The following ZNF560 variants were observed in gnomAD, a reference collection of about 807,000 sequenced individuals.
ZNF560 encodes zinc finger protein 560.
In ZNF560, 54 loss-of-function variants were observed where a neutral mutation model predicts 81.8. The observed-to-expected ratio is 0.66, with a 90% CI of 0.53 to 0.83. The LOEUF (loss-of-function observed/expected upper bound fraction) is 0.83. Among genes scored for constraint, ZNF560 ranks in the 40% least tolerant of loss-of-function variants. The probability of loss-of-function intolerance (pLI) is 0.00; values close to 1 mark genes in which losing one functional copy is unlikely to be tolerated. For missense variants in ZNF560, 940 were observed against 932.4 expected (o/e 1.01, Z -0.11); for synonymous variants, 321 against 317.9 (o/e 1.01, Z -0.10).
upstream of ZNF560, among the ~76,000 whole-genome samples, chr19:9,501,476 A>G (rs111666414): frequency 0.044 from 6,662 of 150,178 alleles, 594 homozygotes; most frequent in African/African-American, 0.16. Flanking sequence ...CTCCTGCCTC[A>G]GCCTCTCAAG....
At chr19:9,450,744 G>T in the ZNF560 span, among the ~76,000 whole-genome samples, 1 of 151,988 alleles carries the variant, frequency 6.6e-6, no homozygotes, top group African/African-American at 2.4e-5. Flanking sequence ...TGCCCAGGCT[G>T]GTCTTGAACC....
the ZNF560 span, among the ~76,000 whole-genome samples, chr19:9,447,970 C>T: frequency 6.6e-6 from 1 of 152,092 alleles, no homozygotes; most frequent in African/African-American, 2.4e-5. Flanking sequence ...GGAAATGGCA[C>T]ATCAGGTACA....
chr19:9,468,873 G>A (rs1170238051), intron 9 of ZNF560, among the ~76,000 whole-genome samples: 3 of 151,992 alleles, frequency 2.0e-5, no homozygotes, highest in Non-Finnish European at 4.4e-5. Flanking sequence ...GGGACTACAG[G>A]TACACACCAC....
In ZNF560 at chr19:9,467,855, A is replaced by G. The variant is rs2073054580; in HGVS notation, c.1092T>C (p.Asn364=). 1 of 1,614,088 alleles carries G rather than the reference A, an allele frequency of 6.2e-7. No homozygotes were observed. Among genetic ancestry groups the G allele is most frequent in the African/African-American group, 1.3e-5 (1 of 74,940 alleles). Residue 364 remains asparagine (N), a synonymous_variant, in exon 10 of 10, where the codon AAT becomes AAC. Coordinates refer to ENST00000301480, the MANE Select transcript of ZNF560 (RefSeq NM_152476.3). ...TCCCAATGTGGGTTTGCATGTGATT[A>G]TTAAGGTGGGTAGGGTATCTAAAAT... ...GKDFRYPTHL[N]NHMQTHIGIK... is the part of the protein sequence containing the mutation.
chr19:9,453,381 A>T, the ZNF560 span, among the ~76,000 whole-genome samples: 6 of 152,106 alleles, frequency 3.9e-5, no homozygotes, highest in Non-Finnish European at 2.9e-5. Context: ...TATACTAATC[A>T]AATCCATTTA....
In ZNF560 at chr19:9,468,197, G is replaced by A. The variant is rs377090889; in HGVS notation, c.750C>T (p.Asp250=). ...AGGTTTTATTGTATAGAGAAAGGAGGTCTTTTGCATACTGAATACATTCAG... is the reference window on the plus strand; with the variant it reads ...AGGTTTTATTGTATAGAGAAAGGAGATCTTTTGCATACTGAATACATTCAG... ...NTSECIQYAK[D]LLSLYNKTST... Residue 250 remains aspartate (D), a synonymous_variant, in exon 10 of 10, where the codon GAC becomes GAT. Transcript: ENST00000301480. The A allele has an allele frequency of 5.0e-6, 8 of 1,614,136 alleles. No individual in the cohort carries two copies. In the African/African-American group the frequency reaches 5.3e-5, roughly 11 times the overall value.
chr19:9,502,068 C>T (rs887145953), upstream of ZNF560, among the ~76,000 whole-genome samples: 66 of 151,652 alleles, frequency 4.4e-4, no homozygotes, highest in African/African-American at 1.5e-3. Flanking sequence ...GCAGGAGAAT[C>T]GCTTGAACTC....
At chr19:9,488,601 G>C (rs953311087) in intron 2 of ZNF560, among the ~76,000 whole-genome samples, 2 of 151,504 alleles carry the variant, frequency 1.3e-5, no homozygotes, top group East Asian at 3.9e-4. Flanking sequence ...TAATGCAAGA[G>C]AAAAAAGCTC....
chr19:9,469,225 C>T, intron 8 of ZNF560, 38 bp from the exon 9 acceptor site: 2 of 1,437,100 alleles, frequency 1.4e-6, no homozygotes, highest in South Asian at 1.3e-5. Context: ...AGAGTTTACA[C>T]ATGAAATGGT....
At chr19:9,504,627 A>G in the ZNF560 span, among the ~76,000 whole-genome samples, 3 of 152,126 alleles carry the variant, frequency 2.0e-5, no homozygotes, top group Non-Finnish European at 4.4e-5. Flanking sequence ...CTGATCTTCT[A>G]TGTAGATGTC....
At chr19:9,451,495 A>G in the ZNF560 span, among the ~76,000 whole-genome samples, 1 of 152,170 alleles carries the variant, frequency 6.6e-6, no homozygotes, top group South Asian at 2.1e-4. Context: ...TAAATGTAAA[A>G]CCTAAAACTG....
At chr19:9,484,666 C>T (rs946583626) in intron 2 of ZNF560, among the ~76,000 whole-genome samples, 14 of 150,856 alleles carry the variant, frequency 9.3e-5, no homozygotes, top group Admixed American at 4.0e-4. Context: ...CGTCACAGCG[C>T]GCGCTACTTG....
the ZNF560 span, among the ~76,000 whole-genome samples, chr19:9,450,860 T>C: frequency 2.6e-5 from 4 of 152,164 alleles, no homozygotes; most frequent in Non-Finnish European, 4.4e-5. Context: ...GTGTTCAAGC[T>C]GAGAGCCAAA....
chr19:9,451,050 A>G, the ZNF560 span, among the ~76,000 whole-genome samples: 1 of 152,208 alleles, frequency 6.6e-6, no homozygotes, highest in African/African-American at 2.4e-5. Flanking sequence ...ATAGTGCCTA[A>G]AGCAATCTGC....
At chr19:9,458,400 TA>T in the ZNF560 span, among the ~76,000 whole-genome samples, 2 of 152,224 alleles carry the variant, frequency 1.3e-5, no homozygotes, top group African/African-American at 2.4e-5. Flanking sequence ...GATTGAAAGG[TA>T]AAGTTTTTCA....
intron 2 of ZNF560, among the ~76,000 whole-genome samples, chr19:9,479,681 T>C (rs1479700282): frequency 1.3e-5 from 2 of 152,200 alleles, no homozygotes; most frequent in Non-Finnish European, 2.9e-5. Context: ...ATTATATATG[T>C]GCACATATTT....
At position 9,470,507 on chromosome 19, in the gene ZNF560, G is replaced by A; in HGVS notation, c.333C>T (p.Thr111=). The A allele has an allele frequency of 6.2e-7, 1 of 1,614,168 alleles. No individual in the cohort carries two copies. The highest frequency in any genetic ancestry group is 8.5e-7 in the Non-Finnish European group (1 of 1,180,028). The stretch of plus-strand genomic sequence containing the variant: ...TGAACTCCACAGCCACACTGTCAAA[G>A]GTTACCAGGTCCTAAACCATCAGAC... ...TSNGIQMDLV[T]FDSVAVEFTQ... Residue 111 remains threonine (T), a synonymous_variant, in exon 7 of 10, where the codon ACC becomes ACT. Coordinates refer to ENST00000301480, the MANE Select transcript of ZNF560 (RefSeq NM_152476.3).
At chr19:9,481,082 G>C (rs10416819) in intron 2 of ZNF560, among the ~76,000 whole-genome samples, 4,291 of 109,980 alleles carry the variant, frequency 0.039, 258 homozygotes, top group African/African-American at 0.14. Context: ...GAGATTATCT[G>C]AAAAAAAAAA....
intron 2 of ZNF560, among the ~76,000 whole-genome samples, chr19:9,493,564 G>A (rs2073506157): frequency 6.6e-6 from 1 of 152,048 alleles, no homozygotes; most frequent in Non-Finnish European, 1.5e-5. Context: ...GGTTCACCAT[G>A]TTGGCCAGGC....
Sources: gnomAD v4.1 joint callset for allele counts (sites outside exome capture counted in the v4.1 genomes callset) on GRCh38, gnomAD v4.1.1 for gene constraint, MANE v1.5 for transcripts, NCBI Gene and HGNC (gene_info 2026-07-23, HGNC 2026-07-21) for gene names.